Variants in EDA observed in about 807,000 individuals in gnomAD.
EDA encodes the protein ectodysplasin A.
Under a neutral mutation model 23.6 loss-of-function variants are expected in EDA, and 2 were observed. The ratio of observed to expected loss-of-function variants is 0.08; its 90% CI spans 0.03 to 0.27. The LOEUF (loss-of-function observed/expected upper bound fraction) is 0.27, where lower values mean the gene tolerates loss of function less well. EDA is among the 10% of genes least tolerant of loss of function. The pLI, the probability that EDA is intolerant of heterozygous loss-of-function variation, is 1.00. For missense variants in EDA, 229 were observed against 324.2 expected, an observed-to-expected ratio of 0.71 and a Z score of 2.26; for synonymous variants, 131 against 132.0, an observed-to-expected ratio of 0.99 and a Z score of 0.05.
Position 70,035,761 on chromosome X carries a change from G to A in EDA, c.*152G>A. ...TTATTTATTCCCCAGTGACTCCAGG[G>A]TGACAAGGCCTGCTTGACTTTCCAG... On this transcript the variant is annotated 3_prime_UTR_variant, in exon 8 of 8. Transcript: ENST00000374552. 1 of 711,287 alleles carries A rather than the reference G, an allele frequency of 1.4e-6. No homozygotes were observed. Among genetic ancestry groups the A allele is most frequent in the Non-Finnish European group, 2.1e-6 (1 of 480,081 alleles). 58.6% of individuals were successfully genotyped at this position (711,287 alleles called of 1,213,427 possible).
At chrX:69,689,097 C>G (rs1934628979) in intron 1 of EDA, among the ~76,000 whole-genome samples, 2 of 111,556 alleles carry the variant, frequency 1.8e-5, no homozygotes, top group Admixed American at 9.5e-5. Flanking sequence ...CAATTCTACT[C>G]CATTAATCTA....
chrX:69,765,305 A>G (rs1444354271), intron 1 of EDA, among the ~76,000 whole-genome samples: 1 of 112,619 alleles, frequency 8.9e-6, no homozygotes. Context: ...ACCTTGTTAT[A>G]CAAAAGATAA....
intron 1 of EDA, among the ~76,000 whole-genome samples, chrX:69,920,925 C>T (rs141909341): frequency 0.059 from 6,428 of 108,103 alleles, 189 homozygotes; most frequent in Non-Finnish European, 0.085. Flanking sequence ...AATTCTTCTG[C>T]AGTTGATCTG....
intron 1 of EDA, among the ~76,000 whole-genome samples, chrX:69,821,369 G>T (rs1179918075): frequency 9.1e-6 from 1 of 109,663 alleles, no homozygotes; most frequent in Non-Finnish European, 1.9e-5. Context: ...TAACAAACCT[G>T]CACATCCTGC....
intron 1 of EDA, among the ~76,000 whole-genome samples, chrX:69,939,930 A>G (rs2018732484): frequency 8.9e-6 from 1 of 112,169 alleles, no homozygotes; most frequent in Non-Finnish European, 1.9e-5. Flanking sequence ...CATTCCTGGG[A>G]TAAATCCCAC....
At chrX:70,028,091 G>C in intron 4 of EDA, 55 bp downstream of exon 4, 1 of 1,174,916 alleles carries the variant, frequency 8.5e-7, no homozygotes, top group Non-Finnish European at 1.1e-6. Context: ...CTTTAGGAGA[G>C]CAGGAGTGGG....
intron 1 of EDA, among the ~76,000 whole-genome samples, chrX:69,892,833 G>A (rs1006611034): frequency 4.5e-5 from 5 of 111,052 alleles, no homozygotes; most frequent in Admixed American, 9.6e-5. Context: ...ACACTAAAAT[G>A]CTTGTTTCAT....
At chrX:69,880,343 C>T (rs771077567) in intron 1 of EDA, among the ~76,000 whole-genome samples, 30 of 112,361 alleles carry the variant, frequency 2.7e-4, no homozygotes, top group African/African-American at 9.0e-4. Context: ...GATGAGCCAA[C>T]AGAGCCAGAC....
chrX:70,007,092 T>G (rs1196884653), intron 2 of EDA, among the ~76,000 whole-genome samples: 2 of 112,262 alleles, frequency 1.8e-5, no homozygotes, highest in African/African-American at 6.5e-5. Context: ...TCTGTTCCAT[T>G]AATTTGTGGT....
intron 1 of EDA, among the ~76,000 whole-genome samples, chrX:69,812,818 A>G (rs2015992074): frequency 8.9e-6 from 1 of 112,135 alleles, no homozygotes; most frequent in Non-Finnish European, 1.9e-5. Flanking sequence ...CATCTAATTT[A>G]TTCATTTTGA....
Position 70,037,030 on chromosome X carries a change from C to T in EDA, c.*1421C>T, listed in dbSNP as rs138107904. 1,111 of 112,039 alleles carry T rather than the reference C, an allele frequency of 9.9e-3. 8 individuals carry two copies. The highest frequency in any genetic ancestry group is 0.014 in the Middle Eastern group (3 of 219). 9.2% of individuals were successfully genotyped at this position (112,039 alleles called of 1,213,427 possible). ...CACCTTCCCCTAAACCCCAAGCTTC[C>T]CAACAGATCATATGGTAGGACCCTC... On this transcript the variant is annotated 3_prime_UTR_variant, in exon 8 of 8. Coordinates refer to ENST00000374552, the MANE Select transcript of EDA (RefSeq NM_001399.5).
At chrX:69,739,463 T>A (rs141060574) in intron 1 of EDA, among the ~76,000 whole-genome samples, 9 of 111,051 alleles carry the variant, frequency 8.1e-5, no homozygotes, top group Non-Finnish European at 1.5e-4. Flanking sequence ...TTTGATTGGA[T>A]TGTTTAGTCA....
chrX:69,780,473 A>G (rs763636671), intron 1 of EDA, among the ~76,000 whole-genome samples: 1 of 111,518 alleles, frequency 9.0e-6, no homozygotes, highest in Non-Finnish European at 1.9e-5. Flanking sequence ...GGACATTTTC[A>G]TCACCATAAC....
chrX:69,956,494 A>C (rs1269113262), intron 1 of EDA, among the ~76,000 whole-genome samples: 1 of 107,427 alleles, frequency 9.3e-6, no homozygotes, highest in Non-Finnish European at 1.9e-5. Context: ...GGCACCCCCC[A>C]CCACCACACC....
rs745704586 is a variant in EDA at position 69,703,359 on chromosome X, C to T, written c.396+86655C>T. ...TAGAGGCTGAGGAGTTTCCTTTGTCCGGCTGCTGTGGCCTGCTCTCCAGGG... is the reference window on the plus strand; with the variant it reads ...TAGAGGCTGAGGAGTTTCCTTTGTCTGGCTGCTGTGGCCTGCTCTCCAGGG... On this transcript the variant is annotated intron_variant, in intron 1 of 7. Coordinates refer to ENST00000374552, the MANE Select transcript of EDA (RefSeq NM_001399.5). 4.5e-5 allele frequency among the ~76,000 whole-genome samples: 5 copies of T among 111,836 alleles called. No individual in the cohort carries two copies. The East Asian group carries it at 1.1e-3, about 25-fold the overall frequency.
intron 1 of EDA, among the ~76,000 whole-genome samples, chrX:69,935,695 T>C (rs2018662414): frequency 9.0e-6 from 1 of 110,798 alleles, no homozygotes; most frequent in South Asian, 3.8e-4. Flanking sequence ...TAACTTGTAG[T>C]CAATCATTTC....
intron 1 of EDA, among the ~76,000 whole-genome samples, chrX:69,733,119 T>A (rs961948603): frequency 4.5e-5 from 5 of 109,940 alleles, no homozygotes; most frequent in African/African-American, 1.7e-4. Flanking sequence ...ATCCCATTTG[T>A]CAATTTTGGC....
At chrX:69,754,432 C>T (rs375278939) in intron 1 of EDA, among the ~76,000 whole-genome samples, 9 of 112,129 alleles carry the variant, frequency 8.0e-5, no homozygotes, top group African/African-American at 2.3e-4. Flanking sequence ...GCCGAGAGAT[C>T]AGCTTTTAGT....
chrX:69,988,502 T>G, intron 2 of EDA, among the ~76,000 whole-genome samples: 1 of 111,811 alleles, frequency 8.9e-6, no homozygotes, highest in Non-Finnish European at 1.9e-5. Flanking sequence ...AAGTACCTCA[T>G]GTACCCCATA....
Sources: allele counts gnomAD v4.1 joint callset (sites outside exome capture counted in the v4.1 genomes callset), GRCh38; gene constraint gnomAD v4.1.1; transcripts MANE v1.5; gene names NCBI Gene and HGNC (gene_info 2026-07-23, HGNC 2026-07-21).